CTNNA3: variants seen among roughly 807,000 people sequenced by gnomAD.
CTNNA3 encodes catenin alpha 3.
In CTNNA3, 76 loss-of-function variants were observed where a neutral mutation model predicts 95.7. The observed-to-expected ratio is 0.79, with a 90% CI of 0.66 to 0.96. The LOEUF (loss-of-function observed/expected upper bound fraction) is 0.96. Among genes scored for constraint, CTNNA3 ranks in the 40% least tolerant of loss-of-function variants. The pLI, the probability that CTNNA3 is intolerant of heterozygous loss-of-function variation, is 0.00. For missense variants in CTNNA3, 1,191 were observed against 1,089.8 expected (o/e 1.09, Z -1.31); for synonymous variants, 431 against 374.4 (o/e 1.15, Z -1.74).
intron 7 of CTNNA3, among the ~76,000 whole-genome samples, chr10:66,806,756 A>ATGTC (rs1554854765): frequency 6.9e-6 from 1 of 145,718 alleles, no homozygotes; most frequent in African/African-American, 2.6e-5. Context: ...TGTGGCATAT[A>ATGTC]TGTGTGTGTG....
At chr10:66,969,812 C>A (rs952525675) in intron 7 of CTNNA3, among the ~76,000 whole-genome samples, 1 of 152,114 alleles carries the variant, frequency 6.6e-6, no homozygotes, top group Non-Finnish European at 1.5e-5. Context: ...CTGCCTCTCA[C>A]AACATTCATA....
At chr10:67,539,298 T>G (rs1396400649) in intron 4 of CTNNA3, among the ~76,000 whole-genome samples, 1 of 152,196 alleles carries the variant, frequency 6.6e-6, no homozygotes, top group Non-Finnish European at 1.5e-5. Flanking sequence ...ATCTCCTGTT[T>G]AATTTCCCAT....
chr10:66,189,818 G>T (rs556611415), intron 13 of CTNNA3, among the ~76,000 whole-genome samples: 43 of 151,444 alleles, frequency 2.8e-4, no homozygotes, highest in African/African-American at 9.2e-4. Flanking sequence ...TTCCTTTTCA[G>T]CCCACAGAAC....
chr10:67,568,060 C>G (rs1191824971), intron 3 of CTNNA3, among the ~76,000 whole-genome samples: 2 of 152,080 alleles, frequency 1.3e-5, no homozygotes, highest in Non-Finnish European at 2.9e-5. Flanking sequence ...TGGATGTAGC[C>G]AGAAACTAGG....
At chr10:67,338,578 T>A (rs1010345180) in intron 5 of CTNNA3, among the ~76,000 whole-genome samples, 3 of 151,874 alleles carry the variant, frequency 2.0e-5, no homozygotes, top group African/African-American at 7.3e-5. Context: ...GAAAAAAAAA[T>A]TGTAGCTAAT....
intron 7 of CTNNA3, among the ~76,000 whole-genome samples, chr10:66,947,713 T>C (rs1293323148): frequency 6.6e-6 from 1 of 152,192 alleles, no homozygotes; most frequent in African/African-American, 2.4e-5. Flanking sequence ...CTTTTTTTAA[T>C]CTTGATAAAT....
At chr10:66,377,654 T>TA (rs150796926) in intron 12 of CTNNA3, among the ~76,000 whole-genome samples, 3,232 of 146,700 alleles carry the variant, frequency 0.022, 109 homozygotes, top group African/African-American at 0.076. Flanking sequence ...TTTATTTGTC[T>TA]AAAAAAAAAA....
chr10:67,046,844 G>A (rs995346428), intron 7 of CTNNA3, among the ~76,000 whole-genome samples: 1 of 152,092 alleles, frequency 6.6e-6, no homozygotes, highest in Non-Finnish European at 1.5e-5. Flanking sequence ...AGGACTTTTT[G>A]GGTGAGTAGA....
intron 9 of CTNNA3, among the ~76,000 whole-genome samples, chr10:66,670,983 G>A (rs1040503818): frequency 5.9e-5 from 9 of 152,188 alleles, no homozygotes; most frequent in African/African-American, 2.2e-4. Flanking sequence ...TTTCCATTAA[G>A]AATGCTTTTG....
chr10:67,220,627 G>C (rs183868985), intron 5 of CTNNA3, among the ~76,000 whole-genome samples: 1 of 152,288 alleles, frequency 6.6e-6, no homozygotes, highest in Admixed American at 6.5e-5. Context: ...GCTGCTTTAG[G>C]CTGAATGGTC....
At chr10:67,525,382 T>C (rs1311815720) in intron 4 of CTNNA3, among the ~76,000 whole-genome samples, 1 of 152,088 alleles carries the variant, frequency 6.6e-6, no homozygotes, top group African/African-American at 2.4e-5. Context: ...ATCCATCAAA[T>C]AAAACAGCAG....
intron 7 of CTNNA3, among the ~76,000 whole-genome samples, chr10:66,999,858 C>A (rs1186126421): frequency 1.3e-5 from 2 of 151,994 alleles, no homozygotes; most frequent in Non-Finnish European, 2.9e-5. Context: ...AAATGTTTTC[C>A]TAATAACAGC....
intron 15 of CTNNA3, among the ~76,000 whole-genome samples, chr10:66,006,992 C>T (rs2078899695): frequency 1.3e-5 from 2 of 152,124 alleles, no homozygotes; most frequent in South Asian, 4.1e-4. Flanking sequence ...GATGACAAGA[C>T]CTTTGGCAGC....
Position 65,988,723 on chromosome 10 carries a change from A to C in CTNNA3, c.2234T>G (p.Met745Arg), listed in dbSNP as rs2078477950. 1.2e-6 allele frequency: 2 copies of C among 1,613,766 alleles called. No homozygotes were observed. Among genetic ancestry groups the C allele is most frequent in the African/African-American group, 2.7e-5 (2 of 74,904 alleles). Residue 745 changes from methionine to arginine, a missense_variant, in exon 16 of 18, where the codon ATG becomes AGG. Coordinates refer to ENST00000433211, the MANE Select transcript of CTNNA3 (RefSeq NM_013266.4). Reference sequence around the variant, plus strand: ...AGCAATCTGCCGAGCAAGGACATCCATCCTTGATCCTGATTCTGATATCAT... The same window carrying C: ...AGCAATCTGCCGAGCAAGGACATCCCTCCTTGATCCTGATTCTGATATCAT... ...AKMISESGSRMDVLARQIANQ... is the reference protein window; with the variant it reads ...AKMISESGSRRDVLARQIANQ...
At chr10:66,926,515 G>A in intron 7 of CTNNA3, 1 of 1,578,958 alleles carries the variant, frequency 6.3e-7, no homozygotes, top group Non-Finnish European at 8.7e-7. Flanking sequence ...CAGCTGACAG[G>A]GGCTGTCATG....
intron 13 of CTNNA3, among the ~76,000 whole-genome samples, chr10:66,121,589 C>T (rs1180368107): frequency 1.3e-5 from 2 of 152,114 alleles, no homozygotes; most frequent in Non-Finnish European, 2.9e-5. Context: ...GTGGTTCATG[C>T]CTGTAATCTC....
rs115051862 is a variant in CTNNA3, at chr10:67,106,187, G to A, written c.1047+74130C>T. Among the ~76,000 whole-genome samples the A allele has an allele frequency of 4.4e-3, 675 of 152,218 alleles. 1 individual carries two copies. The highest frequency in any genetic ancestry group is 0.015 in the African/African-American group (635 of 41,544). The stretch of plus-strand genomic sequence containing the variant: ...CATGACACATTGGTACTACCACAGG[G>A]GTACTGGAAGAAGAGCCTTCTAACA... On this transcript the variant is annotated intron_variant, in intron 7 of 17. Transcript: ENST00000433211.
intron 5 of CTNNA3, among the ~76,000 whole-genome samples, chr10:67,370,210 C>A (rs1384007785): frequency 1.3e-5 from 2 of 151,642 alleles, no homozygotes; most frequent in Non-Finnish European, 2.9e-5. Context: ...AGGCAGATCT[C>A]TATATGCTGA....
intron 17 of CTNNA3, among the ~76,000 whole-genome samples, chr10:65,966,285 T>G (rs73306048): frequency 0.015 from 2,208 of 152,276 alleles, 55 homozygotes; most frequent in African/African-American, 0.051. Flanking sequence ...TTTAGAAAAA[T>G]TATAGGATTC....
Sources: gnomAD v4.1 joint callset for allele counts (sites outside exome capture counted in the v4.1 genomes callset) on GRCh38, gnomAD v4.1.1 for gene constraint, MANE v1.5 for transcripts, NCBI Gene and HGNC (gene_info 2026-07-23, HGNC 2026-07-21) for gene names.